Variants in KIF21B observed in about 807,000 individuals in gnomAD.
KIF21B encodes kinesin-like protein KIF21B.
In KIF21B, 85 loss-of-function variants were observed where a neutral mutation model predicts 192.9. The ratio of observed to expected loss-of-function variants is 0.44; its 90% CI spans 0.37 to 0.53. The LOEUF (loss-of-function observed/expected upper bound fraction) is 0.53, where lower values mean the gene tolerates loss of function less well. KIF21B is among the 20% of genes least tolerant of loss of function. The pLI, the probability that KIF21B is intolerant of heterozygous loss-of-function variation, is 0.00. For missense variants in KIF21B, 1,716 were observed against 2,194.8 expected, an observed-to-expected ratio of 0.78 and a Z score of 4.36; for synonymous variants, 832 against 884.6, an observed-to-expected ratio of 0.94 and a Z score of 1.05.
rs1361814429 is a variant in KIF21B, at chr1:200,977,231, G to A, written c.4306C>T (p.Arg1436Cys). 3.7e-6 allele frequency: 6 copies of A among 1,612,966 alleles called. No homozygotes were observed. The highest frequency in any genetic ancestry group is 4.2e-6 in the Non-Finnish European group (5 of 1,179,184). ...GCTGACCTGCTAAGCTCCCAGATGC[G>A]GACGGCATTGCCCGAGGCGGCGTAC... Reference protein sequence around the residue: ...MLYAASGNAVRIWELSRFQPV... With the variant: ...MLYAASGNAVCIWELSRFQPV... Residue 1436 changes from arginine (R) to cysteine (C), a missense_variant, in exon 31 of 35, where the codon CGC (arginine) becomes TGC (cysteine). Around this residue, in one of 3 missense-constraint regions of KIF21B, gnomAD observed 580 missense variants for 775.5 expected, o/e 0.75. Transcript: ENST00000461742.
chr1:201,020,719 G>A (rs992620539), intron 1 of KIF21B, among the ~76,000 whole-genome samples: 2 of 151,770 alleles, frequency 1.3e-5, no homozygotes, highest in South Asian at 2.1e-4. Context: ...AGCCAGCTTC[G>A]ATCTCTTCAT....
chr1:200,983,010 G>A, intron 28 of KIF21B, 46 bp downstream of exon 28: 2 of 1,511,948 alleles, frequency 1.3e-6, no homozygotes, highest in Non-Finnish European at 1.8e-6. Context: ...AGAGGGTGCC[G>A]AGAGTGAGAG....
At chr1:201,010,436 C>A (rs950130383) in intron 1 of KIF21B, among the ~76,000 whole-genome samples, 1 of 152,078 alleles carries the variant, frequency 6.6e-6, no homozygotes, top group East Asian at 1.9e-4. Flanking sequence ...ATCCAGCCAC[C>A]CCTTCCTTTC....
chr1:201,004,816 CT>C lies in KIF21B; in HGVS notation c.849del (p.Ala285LeufsTer22). The C allele has an allele frequency of 6.2e-7, 1 of 1,614,160 alleles. No individual in the cohort carries two copies. The highest frequency in any genetic ancestry group is 1.1e-5 in the South Asian group (1 of 91,080). On this transcript the variant is annotated frameshift_variant, in exon 6 of 35. Coordinates refer to ENST00000461742, the MANE Select transcript of KIF21B (RefSeq NM_001252102.2). LOFTEE classifies it high-confidence loss of function. ...DLAGSERLKR[T>X]GATGERAKEG... ...TCCTTGGCCCGCTCGCCAGTAGCCC[CT>C]GTCCGCTTCAGCCGCTCTGAGCCGG...
intron 27 of KIF21B, 24 bp downstream of exon 27, chr1:200,984,835 C>T (rs372023400): frequency 2.7e-6 from 4 of 1,492,670 alleles, no homozygotes; most frequent in Non-Finnish European, 3.6e-6. Flanking sequence ...TGCCCTCCCC[C>T]ACTTGCCCTC....
Position 201,008,820 on chromosome 1 carries a change from C to T in KIF21B, c.396G>A (p.Gln132=). 6.2e-7 allele frequency: 1 copy of T among 1,607,056 alleles called. No homozygotes were observed. Among genetic ancestry groups the T allele is most frequent in the Non-Finnish European group, 8.5e-7 (1 of 1,179,964 alleles). The stretch of plus-strand genomic sequence containing the variant: ...ACTCAGGTCCAGCCACGCCCTGCTC[C>T]TGTGCCCGGCGCTTGCGCTCGGCAA... ...GGIAERKRRA[Q]EQGVAGPEFK... Residue 132 remains glutamine, a synonymous_variant, in exon 3 of 35, where the codon CAG becomes CAA. Coordinates refer to ENST00000461742, the MANE Select transcript of KIF21B (RefSeq NM_001252102.2).
rs2102437953 is a variant in KIF21B at position 201,000,474 on chromosome 1, A to G, written c.1601T>C (p.Met534Thr). ...PAFGGSPASS[M>T]EDASEVIRRA... ...GCGGATCACCTCCGAGGCATCCTCC[A>G]TGGAGCTGGCAGGGCTGCCCCCGAA... Residue 534 changes from methionine (M) to threonine (T), a missense_variant, in exon 11 of 35, where the codon ATG becomes ACG. Met to Thr is a moderately conservative substitution (Grantham distance 81, BLOSUM62 -1). Coordinates refer to ENST00000461742, the MANE Select transcript of KIF21B (RefSeq NM_001252102.2). This position sits in a 1 kb window ranked among gnomAD's most constrained non-coding sequence, Gnocchi z 6.0. 1.2e-6 allele frequency: 2 copies of G among 1,603,520 alleles called. No individual in the cohort carries two copies.
rs201746701 is a variant in KIF21B, at chr1:200,988,938, G to A, written c.3133-7C>T. On this transcript the variant is annotated splice_polypyrimidine_tract_variant and splice_region_variant and intron_variant, in intron 21 of 34. Transcript: ENST00000461742. ...TTTGTGCCACTTGCAGCCCCTGGGG[G>A]CAGGGAACAAAGCCTGGAGTTACCC... The A allele has an allele frequency of 7.6e-4, 1,228 of 1,606,042 alleles. 2 individuals carry two copies. The highest frequency in any genetic ancestry group is 4.2e-3 in the Middle Eastern group (21 of 4,988).
Position 200,988,288 on chromosome 1 carries a change from G to A in KIF21B, c.3408+8C>T, listed in dbSNP as rs761386508. 1 of 1,613,542 alleles carries A rather than the reference G, an allele frequency of 6.2e-7. No individual in the cohort carries two copies. The highest frequency in any genetic ancestry group is 2.2e-5 in the East Asian group (1 of 44,890). The stretch of plus-strand genomic sequence containing the variant: ...TGCACCCACTGCCTGACTTCCGGCG[G>A]GGCTCACCTTGAACTTGAAATCGTC... On this transcript the variant is annotated splice_region_variant and intron_variant, in intron 24 of 34. Transcript: ENST00000461742.
At position 200,984,949 on chromosome 1, in the gene KIF21B, G is replaced by A. The variant is rs973986051; in HGVS notation, c.3713C>T (p.Pro1238Leu). 4 of 1,607,364 alleles carry A rather than the reference G, an allele frequency of 2.5e-6. No homozygotes were observed. The highest frequency in any genetic ancestry group is 2.7e-5 in the African/African-American group (2 of 74,334). Residue 1238 changes from proline to leucine, a missense_variant, in exon 27 of 35, where the codon CCC becomes CTC. Coordinates refer to ENST00000461742, the MANE Select transcript of KIF21B (RefSeq NM_001252102.2). ...PIRSTDVGFTPPSSPPTRPRN... is the reference protein window; with the variant it reads ...PIRSTDVGFTLPSSPPTRPRN... ...GGGCCGAGTGGGAGGGGATGATGGG[G>A]GTGTGAATCCCACATCTGTGGACCT...
rs771947852 is a variant in KIF21B, at chr1:200,975,637, G to A, written c.4476C>T (p.Thr1492=). ...GCTCGAAGTTGTGAGTGGGGCCGAT[G>A]GTGCCCGTCACACACTCGCCCAGCT... ...MFELGECVTG[T]IGPTHNFEPP... The change falls in exon 33 of 35, where the codon ACC becomes ACT. Residue 1492 remains threonine, a synonymous_variant. Coordinates refer to ENST00000461742, the MANE Select transcript of KIF21B (RefSeq NM_001252102.2). The surrounding 1 kb of genome is among the most constrained non-coding windows in gnomAD (Gnocchi z 4.3). 5.0e-6 allele frequency: 8 copies of A among 1,613,424 alleles called. No individual in the cohort carries two copies. In the East Asian group the frequency reaches 1.8e-4, roughly 36 times the overall value.
At chr1:201,014,566 G>C (rs1658403715) in intron 1 of KIF21B, among the ~76,000 whole-genome samples, 1 of 152,210 alleles carries the variant, frequency 6.6e-6, no homozygotes, top group Admixed American at 6.5e-5. Flanking sequence ...CTTAGGAGGG[G>C]GAGGATGGCC....
At chr1:200,973,938 G>A (rs1214919423) in intron 34 of KIF21B, 1 of 1,525,686 alleles carries the variant, frequency 6.6e-7, no homozygotes, top group Non-Finnish European at 8.8e-7. Context: ...GGACAGGCAG[G>A]GCACCTCTCT....
intron 32 of KIF21B, 35 bp downstream of exon 32, chr1:200,976,741 G>T: frequency 2.1e-6 from 3 of 1,400,776 alleles, no homozygotes; most frequent in South Asian, 2.4e-5. Context: ...GAGAGTGGAA[G>T]ACCAGCCCCG....
At position 201,023,341 on chromosome 1, in the gene KIF21B, A is replaced by G; in HGVS notation, c.41+2T>C. 6.5e-7 allele frequency: 1 copy of G among 1,528,576 alleles called. No individual in the cohort carries two copies. The highest frequency in any genetic ancestry group is 2.7e-5 in the East Asian group (1 of 37,678). The allele number at this position is 1,528,576 out of a possible 1,614,324, so 94.7% of individuals were successfully genotyped here. A position where few individuals can be genotyped will look rare whatever the true frequency, so the allele number is the denominator to read the frequency against. On this transcript the variant is annotated splice_donor_variant, in intron 1 of 34. Coordinates refer to ENST00000461742, the MANE Select transcript of KIF21B (RefSeq NM_001252102.2). LOFTEE classifies it high-confidence loss of function. The surrounding 1 kb of genome is among the most constrained non-coding windows in gnomAD (Gnocchi z 5.9). ...GCCCCCTTCCCCGCCCCGGGTCCCT[A>G]CCTGACGGCCACCTTGACGCAGCAG... is the stretch of plus-strand genomic sequence containing the variant.
In KIF21B at chr1:200,996,385, C is replaced by T; in HGVS notation, c.2088G>A (p.Glu696=). 6.2e-7 allele frequency: 1 copy of T among 1,613,960 alleles called. No homozygotes were observed. Among genetic ancestry groups the T allele is most frequent in the Non-Finnish European group, 8.5e-7 (1 of 1,179,968 alleles). The change falls in exon 15 of 35, where the codon GAG becomes GAA. Residue 696 remains glutamate (E), a synonymous_variant. Transcript: ENST00000461742. ...TGTTGGCCTTCTCCTCAGTATAGCA[C>T]TCCATGGTGCCTGAGAGCAAGGAGA... ...DRVLQNLSTM[E]CYTEEKANKI... is the part of the protein sequence containing the mutation.
chr1:200,977,474 A>G, intron 30 of KIF21B, 98 bp from the exon 31 acceptor site: 1 of 1,406,312 alleles, frequency 7.1e-7, no homozygotes, highest in African/African-American at 1.4e-5. Flanking sequence ...CAAATAACCT[A>G]CTTCTTCCAG....
At chr1:200,991,748 G>C (rs1404413035) in intron 16 of KIF21B, 23 bp from the exon 17 acceptor site, 2 of 1,612,846 alleles carry the variant, frequency 1.2e-6, no homozygotes, top group East Asian at 4.5e-5. Flanking sequence ...GAAGAGGGCT[G>C]GGCTCCACAC....
chr1:200,979,641 C>T lies in KIF21B; in HGVS notation c.4054G>A (p.Val1352Ile). ...AALKGHPNNVVSIKYCSHSGL... is the reference protein window; with the variant it reads ...AALKGHPNNVISIKYCSHSGL... ...GAGTGGCTGCAGTACTTGATGGAGA[C>T]CACGTTGTTGGGGTGGCCCTTTAGA... Residue 1352 changes from valine (V) to isoleucine (I), a missense_variant, in exon 30 of 35, where the codon GTC becomes ATC. Physicochemically the swap from Val to Ile is conservative, Grantham distance 29. Around this residue, in one of 3 missense-constraint regions of KIF21B, gnomAD observed 580 missense variants for 775.5 expected, o/e 0.75. Coordinates refer to ENST00000461742, the MANE Select transcript of KIF21B (RefSeq NM_001252102.2). 6.3e-7 allele frequency: 1 copy of T among 1,586,908 alleles called. No homozygotes were observed. The highest frequency in any genetic ancestry group is 2.4e-5 in the East Asian group (1 of 41,734).
Sources: allele counts gnomAD v4.1 joint callset (sites outside exome capture counted in the v4.1 genomes callset), GRCh38; gene constraint gnomAD v4.1.1; regional missense constraint gnomAD v4.1.1; non-coding constraint Gnocchi (gnomAD v3.1); transcripts MANE v1.5; gene names NCBI Gene and HGNC (gene_info 2026-07-23, HGNC 2026-07-21).